CSMD1: variants seen among roughly 807,000 people sequenced by gnomAD.
The protein encoded by CSMD1 is CUB and sushi domain-containing protein 1.
CSMD1 carries 213 observed loss-of-function variants against 417.5 expected under a neutral mutation model. That is an observed-to-expected ratio of 0.51 (90% CI 0.46 to 0.57). The LOEUF is 0.57. Among genes scored for constraint, CSMD1 ranks in the 20% least tolerant of loss-of-function variants. The probability of loss-of-function intolerance (pLI) is 0.00; values close to 1 mark genes in which losing one functional copy is unlikely to be tolerated. For synonymous variants in CSMD1, 2,862 were observed against 1,736.8 expected (o/e 1.65, Z -16.11); for missense variants, 6,923 against 4,529.7 (o/e 1.53, Z -15.17).
intron 50 of CSMD1, among the ~76,000 whole-genome samples, chr8:3,042,998 G>A (rs759297823): frequency 2.6e-5 from 4 of 151,032 alleles, no homozygotes; most frequent in Admixed American, 6.6e-5. Flanking sequence ...TCACTATAGC[G>A]ATAGGTTTCT....
intron 5 of CSMD1, among the ~76,000 whole-genome samples, chr8:3,961,292 G>C (rs2407193): frequency 0.22 from 32,701 of 151,874 alleles, 3,811 homozygotes; most frequent in East Asian, 0.34. Context: ...AAGCATAAAA[G>C]TTATATGAGC....
intron 11 of CSMD1, 65 bp from the exon 12 acceptor site, chr8:3,468,889 A>G: frequency 9.2e-7 from 1 of 1,090,994 alleles, no homozygotes. Flanking sequence ...TCCACCTGAA[A>G]GGAGGGTCTT....
intron 7 of CSMD1, among the ~76,000 whole-genome samples, chr8:3,658,378 A>G (rs1734447215): frequency 1.3e-5 from 2 of 151,164 alleles, no homozygotes. Context: ...TACTCTTTTT[A>G]TTTGTAAATC....
At chr8:3,993,274 T>C (rs930705871) in intron 5 of CSMD1, among the ~76,000 whole-genome samples, 1 of 152,236 alleles carries the variant, frequency 6.6e-6, no homozygotes, top group Non-Finnish European at 1.5e-5. Context: ...GAGAACATGA[T>C]GCCTCCTTCC....
intron 3 of CSMD1, among the ~76,000 whole-genome samples, chr8:4,053,908 G>C (rs900123919): frequency 7.2e-5 from 11 of 152,070 alleles, no homozygotes; most frequent in Admixed American, 5.9e-4. Flanking sequence ...TAATAATTAA[G>C]GGAAAATAAA....
At chr8:3,760,405 C>T (rs377041265) in intron 5 of CSMD1, among the ~76,000 whole-genome samples, 8 of 152,320 alleles carry the variant, frequency 5.3e-5, no homozygotes, top group African/African-American at 9.6e-5. Flanking sequence ...ACAGTTACGA[C>T]GACCTCCTTT....
intron 26 of CSMD1, among the ~76,000 whole-genome samples, chr8:3,233,796 G>C (rs749397244): frequency 1.3e-5 from 2 of 152,130 alleles, no homozygotes; most frequent in African/African-American, 4.8e-5. Flanking sequence ...TGCTTTGAAG[G>C]TACACCCATC....
At chr8:3,668,057 T>C (rs1348884076) in intron 7 of CSMD1, among the ~76,000 whole-genome samples, 2 of 152,184 alleles carry the variant, frequency 1.3e-5, no homozygotes, top group Non-Finnish European at 2.9e-5. Flanking sequence ...GGATGAGCCT[T>C]GCTCAGTCTC....
At chr8:4,720,960 C>T (rs570579456) in intron 1 of CSMD1, among the ~76,000 whole-genome samples, 3 of 152,238 alleles carry the variant, frequency 2.0e-5, no homozygotes, top group South Asian at 4.1e-4. Flanking sequence ...TAAGCTTGCC[C>T]TGCCTACTTC....
chr8:3,024,716 T>C (rs1316952447), intron 51 of CSMD1, among the ~76,000 whole-genome samples: 1 of 152,218 alleles, frequency 6.6e-6, no homozygotes, highest in East Asian at 1.9e-4. Context: ...TCTGATACTA[T>C]TAAGTGACTT....
intron 3 of CSMD1, among the ~76,000 whole-genome samples, chr8:4,256,456 G>C (rs1295386062): frequency 6.6e-6 from 1 of 152,152 alleles, no homozygotes; most frequent in East Asian, 1.9e-4. Context: ...GTGATATAGA[G>C]ACATGAATTA....
rs535305803 is a variant in CSMD1, at chr8:3,760,486, T to C, written c.819-6444A>G. On this transcript the variant is annotated intron_variant, in intron 5 of 69. Coordinates refer to ENST00000635120, the MANE Select transcript of CSMD1 (RefSeq NM_033225.6). ...TTGTACCATACATTTTAGGATTCTA[T>C]TTATAACATACTCCTACTCATTCTT... is the stretch of plus-strand genomic sequence containing the variant. 6.0e-4 allele frequency among the ~76,000 whole-genome samples: 91 copies of C among 152,332 alleles called. 3 individuals are homozygous for C. The South Asian group carries it at 0.017, about 28-fold the overall frequency.
At chr8:3,433,439 T>G (rs138021496) in intron 12 of CSMD1, among the ~76,000 whole-genome samples, 5 of 152,324 alleles carry the variant, frequency 3.3e-5, no homozygotes, top group African/African-American at 1.2e-4. Context: ...CTAAATTAAA[T>G]ATTTTATTTT....
chr8:4,726,904 A>C (rs1809497233), intron 1 of CSMD1, among the ~76,000 whole-genome samples: 1 of 152,208 alleles, frequency 6.6e-6, no homozygotes, highest in African/African-American at 2.4e-5. Flanking sequence ...GAAGAGCTGA[A>C]AAAATAGCTT....
intron 5 of CSMD1, among the ~76,000 whole-genome samples, chr8:3,761,398 C>A (rs1425337091): frequency 6.6e-6 from 1 of 151,222 alleles, no homozygotes; most frequent in African/African-American, 2.4e-5. Context: ...TGGGGAAAAA[C>A]AACCAACTAT....
chr8:2,999,572 C>A (rs1046546958), intron 53 of CSMD1, among the ~76,000 whole-genome samples: 2 of 152,204 alleles, frequency 1.3e-5, no homozygotes, highest in African/African-American at 4.8e-5. Flanking sequence ...GTTTCTAGGA[C>A]TGCAAAGCTG....
intron 3 of CSMD1, among the ~76,000 whole-genome samples, chr8:4,092,886 G>T (rs1057369225): frequency 6.6e-6 from 1 of 152,000 alleles, no homozygotes; most frequent in Non-Finnish European, 1.5e-5. Flanking sequence ...AATTACTTCT[G>T]GACTTGCCAA....
intron 12 of CSMD1, among the ~76,000 whole-genome samples, chr8:3,411,017 C>A (rs1402093838): frequency 2.0e-5 from 3 of 152,114 alleles, no homozygotes; most frequent in Non-Finnish European, 2.9e-5. Context: ...CCGGGCAGGG[C>A]AGTGAGGGAC....
intron 5 of CSMD1, among the ~76,000 whole-genome samples, chr8:3,754,761 C>G (rs1217544459): frequency 6.6e-6 from 1 of 152,050 alleles, no homozygotes; most frequent in South Asian, 2.1e-4. Flanking sequence ...GGCCACAAGA[C>G]TTACGAATTC....
Sources: gnomAD v4.1 joint callset for allele counts (sites outside exome capture counted in the v4.1 genomes callset) on GRCh38, gnomAD v4.1.1 for gene constraint, MANE v1.5 for transcripts, NCBI Gene and HGNC (gene_info 2026-07-23, HGNC 2026-07-21) for gene names.